Variants in TCERG1L observed in about 807,000 individuals in gnomAD.
The protein encoded by TCERG1L is transcription elongation regulator 1 like, also known as transcription elongation regulator 1-like protein.
A neutral mutation model predicts 56.3 loss-of-function variants in TCERG1L; 37 were observed. The ratio of observed to expected loss-of-function variants is 0.66; its 90% confidence interval spans 0.51 to 0.87. The LOEUF (loss-of-function observed/expected upper bound fraction) is 0.87. Ranked by LOEUF, TCERG1L falls within the 40% of genes least tolerant of loss-of-function variation. TCERG1L has a pLI of 0.00. For missense variants in TCERG1L, 799 were observed against 774.2 expected (o/e 1.03, Z -0.38); for synonymous variants, 324 against 326.3 (o/e 0.99, Z 0.08).
chr10:131,094,960 A>G (rs1845226464), intron 11 of TCERG1L, among the ~76,000 whole-genome samples: 1 of 152,222 alleles, frequency 6.6e-6, no homozygotes, highest in Admixed American at 6.5e-5. Context: ...CCTGAAAAGA[A>G]AGGGAGCCTC....
chr10:131,194,716 G>A (rs1234148031), intron 4 of TCERG1L, among the ~76,000 whole-genome samples: 1 of 152,136 alleles, frequency 6.6e-6, no homozygotes, highest in African/African-American at 2.4e-5. Flanking sequence ...AGGAGAAGGG[G>A]CGAGATGTGT....
intron 4 of TCERG1L, among the ~76,000 whole-genome samples, chr10:131,228,035 C>T (rs1002717853): frequency 5.9e-5 from 9 of 151,748 alleles, no homozygotes; most frequent in African/African-American, 1.2e-4. Context: ...CCCCCCTCTC[C>T]GTGCTGTGTT....
At chr10:131,250,681 A>T (rs116431994) in intron 4 of TCERG1L, among the ~76,000 whole-genome samples, 225 of 152,174 alleles carry the variant, frequency 1.5e-3, no homozygotes, top group African/African-American at 5.2e-3. Flanking sequence ...GCCTGCCCTA[A>T]AGCACCCTCT....
chr10:131,272,813 C>T (rs1011603409), intron 3 of TCERG1L, among the ~76,000 whole-genome samples: 2 of 152,218 alleles, frequency 1.3e-5, no homozygotes, highest in Non-Finnish European at 2.9e-5. Flanking sequence ...GTCACCTCAG[C>T]AGGCTCAACA....
chr10:131,175,961 T>A (rs8181360), intron 4 of TCERG1L, among the ~76,000 whole-genome samples: 151,910 of 152,360 alleles, frequency 1, 75,733 homozygotes, highest in Non-Finnish European at 1. Flanking sequence ...TTTTCAAAGC[T>A]TAAATCCATT....
chr10:131,139,820 A>G (rs1845716267), intron 7 of TCERG1L, among the ~76,000 whole-genome samples: 1 of 148,612 alleles, frequency 6.7e-6, no homozygotes, highest in Admixed American at 6.7e-5. Context: ...ATGTGTGTGT[A>G]TGTGTATGCA....
At chr10:131,151,161 C>T (rs995616862) in intron 6 of TCERG1L, among the ~76,000 whole-genome samples, 1 of 152,200 alleles carries the variant, frequency 6.6e-6, no homozygotes, top group Admixed American at 6.5e-5. Context: ...GTTCCTTTCA[C>T]ATTTCAAAAC....
At chr10:131,117,072 G>A (rs754541460) in intron 8 of TCERG1L, 138 bp from the exon 9 acceptor site, 40 of 1,180,696 alleles carry the variant, frequency 3.4e-5, no homozygotes, top group Admixed American at 1.6e-4. Context: ...AGCCTGAGGC[G>A]GTCTCCCTCG....
At chr10:131,239,062 G>A (rs998455965) in intron 4 of TCERG1L, among the ~76,000 whole-genome samples, 3 of 152,156 alleles carry the variant, frequency 2.0e-5, no homozygotes, top group South Asian at 2.1e-4. Flanking sequence ...AAACCAAGCC[G>A]AGTGCTGTTC....
chr10:131,204,122 G>A (rs537140622), intron 4 of TCERG1L, among the ~76,000 whole-genome samples: 12 of 152,350 alleles, frequency 7.9e-5, no homozygotes, highest in Middle Eastern at 3.4e-3. Context: ...GCCATGGGAG[G>A]ACACAGCAAG....
At chr10:131,109,484 C>A (rs1488454725) in intron 9 of TCERG1L, among the ~76,000 whole-genome samples, 2 of 152,090 alleles carry the variant, frequency 1.3e-5, no homozygotes, top group African/African-American at 2.4e-5. Flanking sequence ...GTGTCTGTGT[C>A]TGTGTCTGTG....
chr10:131,202,301 G>A (rs1217045704), intron 4 of TCERG1L, among the ~76,000 whole-genome samples: 10 of 152,198 alleles, frequency 6.6e-5, no homozygotes, highest in Non-Finnish European at 1.3e-4. Context: ...GAACTTTTTC[G>A]CCGGGCGCGG....
At chr10:131,144,468 C>T (rs941713288) in intron 7 of TCERG1L, among the ~76,000 whole-genome samples, 2 of 152,042 alleles carry the variant, frequency 1.3e-5, no homozygotes, top group African/African-American at 2.4e-5. Flanking sequence ...TGTGTCGCTG[C>T]GAAGCTCTCT....
rs116117376 is a variant in TCERG1L, at chr10:131,235,281, C to T, written c.856+24978G>A. On this transcript the variant is annotated intron_variant, in intron 4 of 11. Coordinates refer to ENST00000368642, the MANE Select transcript of TCERG1L (RefSeq NM_174937.4). ...GGCAGAATGAAAGACTTATATTTCA[C>T]GTTGGAGAAGAGTGGAAATAGACAA... Among the ~76,000 whole-genome samples the T allele has an allele frequency of 1.0e-2, 1,521 of 152,290 alleles. 26 individuals are homozygous for T. Among genetic ancestry groups the T allele is most frequent in the African/African-American group, 0.034 (1,414 of 41,548 alleles).
chr10:131,286,990 C>T (rs543892100), intron 3 of TCERG1L, among the ~76,000 whole-genome samples: 1 of 152,292 alleles, frequency 6.6e-6, no homozygotes, highest in South Asian at 2.1e-4. Flanking sequence ...AAATATCTCA[C>T]CCATAACTTT....
At chr10:131,273,906 G>A (rs567230680) in intron 3 of TCERG1L, among the ~76,000 whole-genome samples, 1 of 152,220 alleles carries the variant, frequency 6.6e-6, no homozygotes, top group East Asian at 1.9e-4. Flanking sequence ...AGGAGTGAGA[G>A]AGAAACTATT....
At chr10:131,215,671 G>T (rs1845662987) in intron 4 of TCERG1L, among the ~76,000 whole-genome samples, 1 of 152,160 alleles carries the variant, frequency 6.6e-6, no homozygotes, top group Non-Finnish European at 1.5e-5. Context: ...AGAGAGAGGG[G>T]CTGTGGAGAG....
At chr10:131,170,022 T>C (rs917792241) in intron 4 of TCERG1L, among the ~76,000 whole-genome samples, 3 of 152,148 alleles carry the variant, frequency 2.0e-5, no homozygotes, top group Non-Finnish European at 4.4e-5. Flanking sequence ...GAGGAGATAT[T>C]GTTGATGATC....
intron 4 of TCERG1L, among the ~76,000 whole-genome samples, chr10:131,190,207 C>T (rs187721368): frequency 7.9e-5 from 12 of 152,216 alleles, no homozygotes; most frequent in Admixed American, 7.9e-4. Flanking sequence ...ACATACAACC[C>T]TCTTAGAATA....
Sources: allele counts gnomAD v4.1 joint callset (sites outside exome capture counted in the v4.1 genomes callset), GRCh38; gene constraint gnomAD v4.1.1; transcripts MANE v1.5; gene names NCBI Gene and HGNC (gene_info 2026-07-23, HGNC 2026-07-21).